Variants in MRPS28 observed in about 807,000 individuals in gnomAD.
MRPS28 encodes the protein mitochondrial ribosomal protein S28.
MRPS28 carries 7 observed loss-of-function variants against 10.8 expected under a neutral mutation model. That is an observed-to-expected ratio of 0.65 (90% CI 0.37 to 1.22). The LOEUF (loss-of-function observed/expected upper bound fraction) is 1.22. Among genes scored for constraint, MRPS28 ranks in the 50% most tolerant of loss-of-function variants. The pLI, the probability that MRPS28 is intolerant of heterozygous loss-of-function variation, is 0.02. For synonymous variants in MRPS28, 121 were observed against 93.3 expected (o/e 1.30, Z -1.71); for missense variants, 265 against 232.9 (o/e 1.14, Z -0.90).
chr8:79,996,628 T>C (rs1180261961), intron 2 of MRPS28, among the ~76,000 whole-genome samples: 1 of 152,212 alleles, frequency 6.6e-6, no homozygotes, highest in Admixed American at 6.5e-5. Flanking sequence ...ATCACACTGG[T>C]GATTATGTTC....
intron 2 of MRPS28, chr8:79,958,225 A>G: frequency 1.7e-6 from 1 of 575,058 alleles, no homozygotes. Flanking sequence ...GGATTTGTCT[A>G]TTCTGAACAT....
chr8:79,925,879 T>G (rs1810219244), intron 2 of MRPS28, among the ~76,000 whole-genome samples: 1 of 151,720 alleles, frequency 6.6e-6, no homozygotes, highest in African/African-American at 2.4e-5. Flanking sequence ...CCCAGTTACT[T>G]GGAAGGCTAA....
intron 2 of MRPS28, among the ~76,000 whole-genome samples, chr8:79,974,468 G>C (rs1289919356): frequency 6.6e-6 from 1 of 151,864 alleles, no homozygotes; most frequent in Non-Finnish European, 1.5e-5. Context: ...GTGAACCCGA[G>C]AGGCAGAGCT....
intron 2 of MRPS28, among the ~76,000 whole-genome samples, chr8:79,994,564 C>A (rs775547118): frequency 2.0e-5 from 3 of 152,006 alleles, no homozygotes; most frequent in Non-Finnish European, 2.9e-5. Flanking sequence ...TCCTAAACTG[C>A]TAAATGTGTC....
At chr8:79,977,930 TTC>T (rs1287251692) in intron 2 of MRPS28, among the ~76,000 whole-genome samples, 1 of 152,118 alleles carries the variant, frequency 6.6e-6, no homozygotes, top group Non-Finnish European at 1.5e-5. Flanking sequence ...ATATAAATAC[TTC>T]TTTTTCCTAT....
chr8:79,963,119 T>C (rs986926098), intron 2 of MRPS28, among the ~76,000 whole-genome samples: 1 of 152,094 alleles, frequency 6.6e-6, no homozygotes, highest in African/African-American at 2.4e-5. Context: ...TTGTACAGGA[T>C]AGAAATACAA....
At chr8:79,973,358 G>A (rs2130047220) in intron 2 of MRPS28, among the ~76,000 whole-genome samples, 1 of 152,204 alleles carries the variant, frequency 6.6e-6, no homozygotes, top group East Asian at 1.9e-4. Context: ...GCTATTTACA[G>A]GTTTGATCAT....
At chr8:79,965,278 C>T (rs1807475309) in intron 2 of MRPS28, among the ~76,000 whole-genome samples, 2 of 152,104 alleles carry the variant, frequency 1.3e-5, no homozygotes. Context: ...AAGTAACTCA[C>T]TTAAGATGAC....
intron 2 of MRPS28, among the ~76,000 whole-genome samples, chr8:79,970,805 A>G (rs905076124): frequency 1.3e-5 from 2 of 151,968 alleles, no homozygotes; most frequent in African/African-American, 4.8e-5. Context: ...ATACATTGCT[A>G]TAAATAAAGT....
At chr8:80,023,465 T>A (rs901871840) in intron 1 of MRPS28, among the ~76,000 whole-genome samples, 7 of 152,138 alleles carry the variant, frequency 4.6e-5, no homozygotes, top group African/African-American at 1.4e-4. Flanking sequence ...GGATTGAACA[T>A]CTGATTTTAG....
intron 2 of MRPS28, among the ~76,000 whole-genome samples, chr8:79,938,044 C>T (rs1806651970): frequency 6.6e-6 from 1 of 152,152 alleles, no homozygotes; most frequent in African/African-American, 2.4e-5. Flanking sequence ...CGCTGGTCTA[C>T]AACCATTGTT....
chr8:79,960,450 TG>T (rs1807346782), intron 2 of MRPS28, among the ~76,000 whole-genome samples: 2 of 152,134 alleles, frequency 1.3e-5, no homozygotes, highest in Non-Finnish European at 2.9e-5. Context: ...CACTTCGATA[TG>T]CTTTCACTTT....
intron 2 of MRPS28, among the ~76,000 whole-genome samples, chr8:79,940,903 T>C (rs916414929): frequency 6.6e-6 from 1 of 152,216 alleles, no homozygotes; most frequent in Non-Finnish European, 1.5e-5. Flanking sequence ...GCACGCAACA[T>C]TGATTTTTAT....
intron 2 of MRPS28, among the ~76,000 whole-genome samples, chr8:79,974,516 G>C (rs548580147): frequency 6.6e-6 from 1 of 151,788 alleles, no homozygotes; most frequent in East Asian, 1.9e-4. Context: ...ATTCCAGCCT[G>C]GGCGACAGAG....
intron 2 of MRPS28, among the ~76,000 whole-genome samples, chr8:79,968,669 C>T (rs540368840): frequency 4.6e-5 from 7 of 151,788 alleles, no homozygotes; most frequent in South Asian, 4.2e-4. Flanking sequence ...TCTCCTCTCT[C>T]GCCTTAGGGA....
chr8:79,991,307 T>C (rs185718123), intron 2 of MRPS28, among the ~76,000 whole-genome samples: 5 of 152,308 alleles, frequency 3.3e-5, no homozygotes, highest in Admixed American at 3.3e-4. Flanking sequence ...AAATGGAGTG[T>C]CAGCAGCTTA....
chr8:79,994,032 T>A (rs777636979), intron 2 of MRPS28, among the ~76,000 whole-genome samples: 5 of 152,200 alleles, frequency 3.3e-5, no homozygotes, highest in Non-Finnish European at 5.9e-5. Context: ...GAGCTGTCAA[T>A]CCTGTGTTTT....
chr8:80,002,862 G>T, intron 2 of MRPS28, 137 bp downstream of exon 2: 1 of 722,346 alleles, frequency 1.4e-6, no homozygotes, highest in Non-Finnish European at 2.1e-6. Flanking sequence ...AAGCACTTCA[G>T]ACTTTACTGC....
intron 2 of MRPS28, among the ~76,000 whole-genome samples, chr8:79,924,765 C>T (rs1406321803): frequency 6.6e-6 from 1 of 152,138 alleles, no homozygotes; most frequent in African/African-American, 2.4e-5. Flanking sequence ...GTTTGCCCCA[C>T]TTTTTCAAAG....
Sources: allele counts gnomAD v4.1 joint callset (sites outside exome capture counted in the v4.1 genomes callset), GRCh38; gene constraint gnomAD v4.1.1; transcripts MANE v1.5; gene names NCBI Gene and HGNC (gene_info 2026-07-23, HGNC 2026-07-21).